PLD5: variants seen among roughly 807,000 people sequenced by gnomAD.
PLD5 encodes inactive phospholipase D5.
Under a neutral mutation model 61.1 loss-of-function variants are expected in PLD5, and 36 were observed. The observed-to-expected ratio is 0.59, with a 90% CI of 0.45 to 0.78. The LOEUF is 0.78. Ranked by LOEUF, PLD5 falls within the 30% of genes least tolerant of loss-of-function variation. The pLI, the probability that PLD5 is intolerant of heterozygous loss-of-function variation, is 0.00. For missense variants in PLD5, 515 were observed against 644.4 expected (o/e 0.80, Z 2.17); for synonymous variants, 243 against 242.8 (o/e 1.00, Z -0.01).
intron 1 of PLD5, among the ~76,000 whole-genome samples, chr1:242,475,000 C>T (rs988856270): frequency 6.6e-6 from 1 of 152,162 alleles, no homozygotes; most frequent in African/African-American, 2.4e-5. Flanking sequence ...CTTAGTTATT[C>T]ATGCATCTCT....
At chr1:242,311,091 C>G (rs529320123) in intron 2 of PLD5, among the ~76,000 whole-genome samples, 2 of 152,112 alleles carry the variant, frequency 1.3e-5, no homozygotes, top group African/African-American at 4.8e-5. Flanking sequence ...TCATTAAACA[C>G]AATCATACCC....
At chr1:242,395,367 C>A (rs1663511717) in intron 1 of PLD5, among the ~76,000 whole-genome samples, 1 of 151,998 alleles carries the variant, frequency 6.6e-6, no homozygotes, top group Non-Finnish European at 1.5e-5. Context: ...TTGCTTCTTG[C>A]CTGAGTACCT....
chr1:242,298,405 TAGGG>T (rs1345197011), intron 2 of PLD5, among the ~76,000 whole-genome samples: 3 of 152,182 alleles, frequency 2.0e-5, no homozygotes, highest in Admixed American at 6.5e-5. Context: ...CCCTGCAAGA[TAGGG>T]AGGATCTTAG....
intron 5 of PLD5, among the ~76,000 whole-genome samples, chr1:242,150,191 C>T (rs909969653): frequency 4.6e-5 from 7 of 151,552 alleles, no homozygotes; most frequent in Admixed American, 3.9e-4. Flanking sequence ...TTTATAATTT[C>T]AATTTTTGAA....
intron 5 of PLD5, among the ~76,000 whole-genome samples, chr1:242,196,814 T>C (rs552283865): frequency 6.6e-6 from 1 of 152,204 alleles, no homozygotes; most frequent in South Asian, 2.1e-4. Flanking sequence ...CTGTGTTTGG[T>C]GTGTATCTTT....
chr1:242,527,943 C>T (rs973440111), upstream of PLD5, among the ~76,000 whole-genome samples: 1 of 152,204 alleles, frequency 6.6e-6, no homozygotes, highest in Admixed American at 6.5e-5. Flanking sequence ...TATGGACCAT[C>T]CATCCTACTA....
At chr1:242,434,518 A>C (rs1039380009) in intron 1 of PLD5, among the ~76,000 whole-genome samples, 2 of 152,222 alleles carry the variant, frequency 1.3e-5, no homozygotes, top group Non-Finnish European at 2.9e-5. Context: ...GGGGATACCT[A>C]TGTAGGAGCT....
chr1:242,378,582 T>A (rs961447301), intron 1 of PLD5, among the ~76,000 whole-genome samples: 1 of 152,166 alleles, frequency 6.6e-6, no homozygotes, highest in Admixed American at 6.5e-5. Flanking sequence ...GGCTTGCACC[T>A]GTAATCCCAG....
chr1:242,517,900 T>G (rs1669155742), intron 1 of PLD5, among the ~76,000 whole-genome samples: 1 of 152,210 alleles, frequency 6.6e-6, no homozygotes, highest in South Asian at 2.1e-4. Context: ...GGTATTTTTT[T>G]TTTATGTCAA....
chr1:242,231,183 T>C (rs1013799037), intron 4 of PLD5, among the ~76,000 whole-genome samples: 2 of 152,018 alleles, frequency 1.3e-5, no homozygotes, highest in Admixed American at 6.6e-5. Context: ...GTCTAGGAGG[T>C]TGGTAGCTGC....
At chr1:242,272,816 T>G (rs1674177977) in intron 3 of PLD5, among the ~76,000 whole-genome samples, 2 of 152,148 alleles carry the variant, frequency 1.3e-5, no homozygotes. Flanking sequence ...ATCATATTCA[T>G]CATATTAACA....
At chr1:242,121,085 A>G (rs1662323647) in intron 6 of PLD5, among the ~76,000 whole-genome samples, 5 of 152,348 alleles carry the variant, frequency 3.3e-5, no homozygotes, top group African/African-American at 1.2e-4. Context: ...ATTTTAAGAT[A>G]CAACAAATAT....
intron 3 of PLD5, among the ~76,000 whole-genome samples, chr1:242,284,119 CTTTTTTTTTTTTTTTTTTT>C (rs565165218): frequency 1.3e-5 from 1 of 75,950 alleles, no homozygotes; most frequent in Non-Finnish European, 2.3e-5. Flanking sequence ...TTTCTTTTTC[CTTTTTTTTTTTTTTTTTTT>C]TTTTTTTTTT....
chr1:242,327,241 A>G (rs541318891), intron 2 of PLD5, among the ~76,000 whole-genome samples: 1 of 152,222 alleles, frequency 6.6e-6, no homozygotes, highest in Non-Finnish European at 1.5e-5. Context: ...AGCTAGGCTC[A>G]AGAGAGCCTC....
chr1:242,464,935 T>A (rs956480555), intron 1 of PLD5, among the ~76,000 whole-genome samples: 2 of 152,128 alleles, frequency 1.3e-5, no homozygotes, highest in African/African-American at 4.8e-5. Context: ...TTACATACAA[T>A]GTCTAGAATA....
At chr1:242,227,583 C>T (rs928384499) in intron 4 of PLD5, among the ~76,000 whole-genome samples, 4 of 152,154 alleles carry the variant, frequency 2.6e-5, no homozygotes, top group Non-Finnish European at 5.9e-5. Context: ...AGGCTGGTCT[C>T]GAACTCCTGA....
At chr1:242,135,625 G>T (rs577893292) in intron 5 of PLD5, among the ~76,000 whole-genome samples, 5 of 151,956 alleles carry the variant, frequency 3.3e-5, no homozygotes, top group Non-Finnish European at 5.9e-5. Context: ...GAGGTATAAA[G>T]TTATCTTCAC....
chr1:242,394,924 G>GAT (rs1374686376), intron 1 of PLD5, among the ~76,000 whole-genome samples: 3 of 54,784 alleles, frequency 5.5e-5, no homozygotes, highest in Non-Finnish European at 1.1e-4. Flanking sequence ...ATGTATATAT[G>GAT]TATACATTAT....
rs1042983469 is a variant in PLD5, at chr1:242,089,171, T to C, written c.*683A>G. 6.1e-5 allele frequency: 24 copies of C among 395,230 alleles called. No individual in the cohort carries two copies. The highest frequency in any genetic ancestry group is 4.5e-4 in the African/African-American group (22 of 48,564). 24.5% of individuals were successfully genotyped at this position (395,230 alleles called of 1,614,324 possible). ...TGCTATTTCCACTTAGTATCCATTC[T>C]GAAAAATTTGTATGTTTTCAAAAGA... On this transcript the variant is annotated 3_prime_UTR_variant, in exon 10 of 10. Transcript: ENST00000536534.
Sources: allele counts gnomAD v4.1 joint callset (sites outside exome capture counted in the v4.1 genomes callset), GRCh38; gene constraint gnomAD v4.1.1; transcripts MANE v1.5; gene names NCBI Gene and HGNC (gene_info 2026-07-23, HGNC 2026-07-21).